The following TARM1 variants were observed in gnomAD, a reference collection of about 807,000 sequenced individuals.
TARM1 encodes the protein T-cell-interacting, activating receptor on myeloid cells protein 1.
A neutral mutation model predicts 30.4 loss-of-function variants in TARM1; 24 were observed. That is an observed-to-expected ratio of 0.79 (90% CI 0.57 to 1.11). The LOEUF is 1.11. TARM1 is among the 50% of genes least tolerant of loss of function. TARM1 has a pLI of 0.00. For missense variants in TARM1, 323 were observed against 332.8 expected, an observed-to-expected ratio of 0.97 and a Z score of 0.23; for synonymous variants, 129 against 138.9, an observed-to-expected ratio of 0.93 and a Z score of 0.50.
chr19:54,080,745 G>A lies in TARM1; in HGVS notation c.34+562C>T, dbSNP rs1397504363. Reference sequence around the variant, plus strand: ...CCCAGCACTTTGAGAGACTGAGGTGGGCAGATCACCTGAGGTCGGGAGTTC... The same window carrying A: ...CCCAGCACTTTGAGAGACTGAGGTGAGCAGATCACCTGAGGTCGGGAGTTC... On this transcript the variant is annotated intron_variant, in intron 1 of 4. Coordinates refer to ENST00000432826, the MANE Select transcript of TARM1 (RefSeq NM_001135686.3). 3.9e-5 allele frequency among the ~76,000 whole-genome samples: 6 copies of A among 152,088 alleles called. No individual in the cohort carries two copies. In the East Asian group the frequency reaches 1.2e-3, roughly 29 times the overall value.
intron 1 of TARM1, among the ~76,000 whole-genome samples, chr19:54,079,866 G>T (rs1172202462): frequency 6.6e-6 from 1 of 151,538 alleles, no homozygotes; most frequent in African/African-American, 2.4e-5. Flanking sequence ...TCAGCCGGGT[G>T]TGTGGTGGGC....
intron 1 of TARM1, among the ~76,000 whole-genome samples, chr19:54,080,136 G>GC (rs2072074772): frequency 4.7e-5 from 3 of 63,714 alleles, no homozygotes; most frequent in Non-Finnish European, 6.4e-5. Context: ...AGGAAGGAAG[G>GC]AAGAAAGCAA....
chr19:54,075,160 C>G, intron 2 of TARM1, 46 bp from the exon 3 acceptor site: 1 of 1,477,044 alleles, frequency 6.8e-7, no homozygotes, highest in Non-Finnish European at 9.0e-7. Flanking sequence ...CCCTCCCCTG[C>G]TCTCAGGAAG....
At chr19:54,076,314 CTCTTTCTTTCTTTT>C in intron 1 of TARM1, 1 of 765,722 alleles carries the variant, frequency 1.3e-6, no homozygotes, top group Non-Finnish European at 1.9e-6. Context: ...CAGAGTCTCG[CTCTTTCTTTCTTTT>C]TCTTTCTTTC....
chr19:54,070,334 G>C (rs945707959), intron 4 of TARM1, among the ~76,000 whole-genome samples, 174 bp from the exon 5 acceptor site: 2 of 151,930 alleles, frequency 1.3e-5, no homozygotes, highest in African/African-American at 4.8e-5. Context: ...TGTAATCTCA[G>C]CTCACCACAA....
rs749429056 is a variant in TARM1 at position 54,075,863 on chromosome 19, G to A, written c.70+20C>T. ...TTTGGGATGACAGGCCAAGGAGGGT[G>A]TAGTTGAAGAAACACTCACCATCTC... is the stretch of plus-strand genomic sequence containing the variant. On this transcript the variant is annotated intron_variant, in intron 2 of 4. Transcript: ENST00000432826. 2.1e-5 allele frequency: 32 copies of A among 1,550,902 alleles called. No individual in the cohort carries two copies. The South Asian group carries it at 3.5e-4, about 17-fold the overall frequency.
In TARM1 at chr19:54,069,939, C is replaced by A. The variant is rs1470398974; in HGVS notation, c.*64G>T. ...CATCCTGTGACTTAGAAAGCCTCAA[C>A]CCCCTGGGAATGCAGTCCAGCAGGT... On this transcript the variant is annotated 3_prime_UTR_variant, in exon 5 of 5. Coordinates refer to ENST00000432826, the MANE Select transcript of TARM1 (RefSeq NM_001135686.3). 6.9e-6 allele frequency: 9 copies of A among 1,301,618 alleles called. No individual in the cohort carries two copies. The highest frequency in any genetic ancestry group is 1.5e-5 in the African/African-American group (1 of 67,866). The allele number at this position is 1,301,618 out of a possible 1,614,324, so 80.6% of individuals were successfully genotyped here. A position where few individuals can be genotyped will look rare whatever the true frequency, so the allele number is the denominator to read the frequency against.
chr19:54,079,112 A>T (rs1190084977), intron 1 of TARM1, among the ~76,000 whole-genome samples: 2 of 148,386 alleles, frequency 1.3e-5, no homozygotes, highest in Non-Finnish European at 3.0e-5. Context: ...AAAAAAAAAA[A>T]ACTTAGCCAG....
intron 1 of TARM1, chr19:54,076,602 A>T: frequency 5.8e-6 from 1 of 173,712 alleles, no homozygotes; most frequent in Non-Finnish European, 1.2e-5. Flanking sequence ...ACCTCAGGTG[A>T]TCCACCCACC....
chr19:54,077,037 C>T (rs1254854347), intron 1 of TARM1, among the ~76,000 whole-genome samples: 1 of 152,036 alleles, frequency 6.6e-6, no homozygotes, highest in Non-Finnish European at 1.5e-5. Flanking sequence ...GCTGCATTTG[C>T]TCTTCCTCCT....
intron 1 of TARM1, among the ~76,000 whole-genome samples, chr19:54,080,127 G>GAAA (rs2072071768): frequency 0.061 from 2,989 of 48,690 alleles, 622 homozygotes; most frequent in Middle Eastern, 0.083. Flanking sequence ...AAGGAAGGAA[G>GAAA]GAAGGAAGGA....
At chr19:54,070,217 T>G in intron 4 of TARM1, 57 bp from the exon 5 acceptor site, 1 of 1,513,552 alleles carries the variant, frequency 6.6e-7, no homozygotes, top group Non-Finnish European at 8.8e-7. Flanking sequence ...CCTTCTCAAA[T>G]GGCCCCACCA....
intron 2 of TARM1, 113 bp downstream of exon 2, chr19:54,075,770 C>A: frequency 4.0e-6 from 5 of 1,254,984 alleles, no homozygotes; most frequent in African/African-American, 3.0e-5. Flanking sequence ...TCCAGCCTGG[C>A]GAAAGAGTGA....
At position 54,078,786 on chromosome 19, in the gene TARM1, A is replaced by G. The variant is rs2072024114; in HGVS notation, c.34+2521T>C. 7.9e-5 allele frequency among the ~76,000 whole-genome samples: 12 copies of G among 152,142 alleles called. No homozygotes were observed. The South Asian group carries it at 2.5e-3, about 32-fold the overall frequency. On this transcript the variant is annotated intron_variant, in intron 1 of 4. Coordinates refer to ENST00000432826, the MANE Select transcript of TARM1 (RefSeq NM_001135686.3). The stretch of plus-strand genomic sequence containing the variant: ...TCAAAGTGCTGGGATTACAGGTGTG[A>G]GACACTGTGCTCGGCCTACAGTGGG...
rs80087697 is a variant in TARM1, at chr19:54,074,853, T to A, written c.332A>T (p.His111Leu). 9 of 1,551,502 alleles carry A rather than the reference T, an allele frequency of 5.8e-6. No homozygotes were observed. The highest frequency in any genetic ancestry group is 7.8e-6 in the Non-Finnish European group (9 of 1,146,964). The change falls in exon 3 of 5, where the codon CAC becomes CTC. Residue 111 changes from histidine to leucine, a missense_variant. By Grantham distance (99) the His-to-Leu change is moderately conservative. Transcript: ENST00000432826. The stretch of plus-strand genomic sequence containing the variant: ...CACCAACAGTAGAAGGACGTCACTG[T>A]GCTGTGAAAGGATGTGGGGGGATGC... The part of the protein sequence containing the change: ...RKASPHILSQ[H>L]SDVLLLLVTG...
intron 1 of TARM1, among the ~76,000 whole-genome samples, chr19:54,077,739 G>GTTTTTT (rs1185350896): frequency 2.6e-5 from 3 of 117,630 alleles, no homozygotes; most frequent in Non-Finnish European, 5.4e-5. Context: ...CTTTTTCTTC[G>GTTTTTT]TTTTTTTTTT....
At chr19:54,073,461 GT>G (rs201275480) in intron 4 of TARM1, among the ~76,000 whole-genome samples, 15 of 149,658 alleles carry the variant, frequency 1.0e-4, no homozygotes, top group African/African-American at 3.7e-4. Flanking sequence ...TGAAAGGGAG[GT>G]TTTTTTGTTG....
At chr19:54,075,136 T>A (rs1447136203) in intron 2 of TARM1, 22 bp from the exon 3 acceptor site, 1 of 1,544,862 alleles carries the variant, frequency 6.5e-7, no homozygotes, top group South Asian at 1.2e-5. Flanking sequence ...CAGAGCCTGA[T>A]GCTGGACCCG....
intron 4 of TARM1, 126 bp from the exon 5 acceptor site, chr19:54,070,286 G>C: frequency 7.3e-7 from 1 of 1,367,234 alleles, no homozygotes; most frequent in African/African-American, 1.5e-5. Flanking sequence ...TTTTTGAGAC[G>C]GAGTTTTACT....
Sources: gnomAD v4.1 joint callset for allele counts (sites outside exome capture counted in the v4.1 genomes callset) on GRCh38, gnomAD v4.1.1 for gene constraint, MANE v1.5 for transcripts, NCBI Gene and HGNC (gene_info 2026-07-23, HGNC 2026-07-21) for gene names.